The following MCC variants were observed in gnomAD, a reference collection of about 807,000 sequenced individuals.
The protein encoded by MCC is colorectal mutant cancer protein.
In MCC, 90 loss-of-function variants were observed where a neutral mutation model predicts 116.2. The observed-to-expected ratio is 0.77, with a 90% CI of 0.65 to 0.92. The LOEUF is 0.92. Ranked by LOEUF, MCC falls within the 40% of genes least tolerant of loss-of-function variation. The pLI is 0.00. For synonymous variants in MCC, 578 were observed against 510.5 expected, an observed-to-expected ratio of 1.13 and a Z score of -1.78; for missense variants, 1,516 against 1,312.2, an observed-to-expected ratio of 1.16 and a Z score of -2.40.
At chr5:113,359,520 T>C (rs115526791) in intron 2 of MCC, among the ~76,000 whole-genome samples, 109 of 152,366 alleles carry the variant, frequency 7.2e-4, no homozygotes, top group African/African-American at 2.5e-3. Context: ...TCTGTTGTTC[T>C]GTTCTTCATC....
In MCC at chr5:113,445,331, T is replaced by C. The variant is rs188757164; in HGVS notation, c.170+42914A>G. On this transcript the variant is annotated intron_variant, in intron 1 of 18. Coordinates refer to ENST00000408903, the MANE Select transcript of MCC (RefSeq NM_001085377.2). The stretch of plus-strand genomic sequence containing the variant: ...TCTCTTTGCTGACAATATAATTCTA[T>C]ACATAAAGAATCCTAAAGACTCCAC... Among the ~76,000 whole-genome samples, 347 of 152,238 alleles carry C rather than the reference T, an allele frequency of 2.3e-3. 1 individual carries two copies. Among genetic ancestry groups the C allele is most frequent in the Admixed American group, 3.4e-3 (52 of 15,292 alleles).
At chr5:113,051,171 G>A (rs1398931924) in intron 15 of MCC, among the ~76,000 whole-genome samples, 2 of 152,046 alleles carry the variant, frequency 1.3e-5, no homozygotes, top group Non-Finnish European at 2.9e-5. Context: ...CACTCTGTAG[G>A]GACATCTGCA....
At chr5:113,348,236 A>G (rs1194171088) in intron 2 of MCC, among the ~76,000 whole-genome samples, 2 of 152,052 alleles carry the variant, frequency 1.3e-5, no homozygotes, top group Non-Finnish European at 2.9e-5. Flanking sequence ...TTTACAGAAC[A>G]TTTCTTCAAG....
chr5:113,331,157 A>G (rs1398666347), intron 3 of MCC, among the ~76,000 whole-genome samples: 1 of 151,960 alleles, frequency 6.6e-6, no homozygotes, highest in East Asian at 1.9e-4. Flanking sequence ...GGTTCCTGGC[A>G]GAGGGACTAG....
At chr5:113,186,881 C>A (rs1366638953) in intron 3 of MCC, among the ~76,000 whole-genome samples, 1 of 152,088 alleles carries the variant, frequency 6.6e-6, no homozygotes, top group Non-Finnish European at 1.5e-5. Flanking sequence ...GTTTTCACAA[C>A]CGGGGGAGGA....
At chr5:113,455,806 G>A (rs138164453) in intron 1 of MCC, among the ~76,000 whole-genome samples, 261 of 152,248 alleles carry the variant, frequency 1.7e-3, no homozygotes, top group African/African-American at 5.9e-3. Flanking sequence ...ATTACCTACT[G>A]AGTTTGCAGA....
At chr5:113,444,781 A>G (rs556767720) in intron 1 of MCC, among the ~76,000 whole-genome samples, 3 of 152,304 alleles carry the variant, frequency 2.0e-5, no homozygotes, top group South Asian at 4.1e-4. Flanking sequence ...ACAGTTCTCT[A>G]TATTGAAGGC....
chr5:113,264,351 A>C (rs550300505), intron 3 of MCC, among the ~76,000 whole-genome samples: 1 of 152,206 alleles, frequency 6.6e-6, no homozygotes, highest in Non-Finnish European at 1.5e-5. Flanking sequence ...TCAAACACCT[A>C]AAGTCTGGCC....
intron 1 of MCC, among the ~76,000 whole-genome samples, chr5:113,449,191 G>T (rs1207389269): frequency 1.3e-5 from 2 of 152,284 alleles, no homozygotes; most frequent in East Asian, 3.9e-4. Context: ...AAGCCAATTT[G>T]ATATTCTTCA....
At chr5:113,175,696 C>A (rs1231187646) in intron 3 of MCC, among the ~76,000 whole-genome samples, 2 of 151,964 alleles carry the variant, frequency 1.3e-5, no homozygotes, top group African/African-American at 4.8e-5. Flanking sequence ...TTTTGGTGTA[C>A]CCCCAGGGGA....
intron 1 of MCC, among the ~76,000 whole-genome samples, chr5:113,393,115 T>A (rs1187021655): frequency 6.6e-6 from 1 of 152,110 alleles, no homozygotes; most frequent in African/African-American, 2.4e-5. Context: ...GAAGCATAAA[T>A]CTCAACTGTA....
In MCC at chr5:113,488,356, C is replaced by CTG. The variant is rs1417172299; in HGVS notation, c.58_59insCA (p.Gly20AlafsTer43). ...GCTGCTGCTGCTGCTGCCGCTGCCG[C>CTG]CGCCGCCGCCGCCGCTGCTGGAGCT... is the stretch of plus-strand genomic sequence containing the variant. On this transcript the variant is annotated frameshift_variant, in exon 1 of 19. Transcript: ENST00000408903. LOFTEE classifies it high-confidence loss of function. 2 of 1,515,190 alleles carry CTG rather than the reference C, an allele frequency of 1.3e-6. No individual in the cohort carries two copies. Among genetic ancestry groups the CTG allele is most frequent in the Admixed American group, 2.1e-5 (1 of 47,468 alleles). The allele number at this position is 1,515,190 out of a possible 1,614,324, so 93.9% of individuals were successfully genotyped here. A position where few individuals can be genotyped will look rare whatever the true frequency, so the allele number is the denominator to read the frequency against.
intron 15 of MCC, 134 bp from the exon 16 acceptor site, chr5:113,049,433 G>A: frequency 1.5e-6 from 1 of 679,978 alleles, no homozygotes; most frequent in African/African-American, 1.8e-5. Flanking sequence ...TTTGAAGTTG[G>A]CAGTAGGATG....
intron 1 of MCC, among the ~76,000 whole-genome samples, chr5:113,448,525 C>T (rs543223807): frequency 6.6e-6 from 1 of 152,196 alleles, no homozygotes; most frequent in African/African-American, 2.4e-5. Flanking sequence ...CCCAAGCTGA[C>T]AAGCCTTTCT....
intron 1 of MCC, among the ~76,000 whole-genome samples, chr5:113,460,827 A>G (rs1771723198): frequency 6.6e-6 from 1 of 152,266 alleles, no homozygotes; most frequent in Non-Finnish European, 1.5e-5. Flanking sequence ...TCAGAAACGT[A>G]GAACCTCAAG....
At chr5:113,255,080 G>A (rs937239058) in intron 3 of MCC, among the ~76,000 whole-genome samples, 2 of 152,164 alleles carry the variant, frequency 1.3e-5, no homozygotes, top group Admixed American at 1.3e-4. Context: ...CAGAAAAATC[G>A]ATTAAACCCA....
At chr5:113,359,060 C>T (rs138876964) in intron 2 of MCC, among the ~76,000 whole-genome samples, 68 of 152,266 alleles carry the variant, frequency 4.5e-4, no homozygotes, top group African/African-American at 1.6e-3. Flanking sequence ...GACATGTCTA[C>T]TAAGGGGCGG....
chr5:113,168,223 A>G (rs1298821666), intron 3 of MCC, among the ~76,000 whole-genome samples: 2 of 152,198 alleles, frequency 1.3e-5, no homozygotes, highest in African/African-American at 2.4e-5. Flanking sequence ...TACACTGTAC[A>G]TGCTTGTGGA....
chr5:113,448,956 G>A (rs1405239665), intron 1 of MCC, among the ~76,000 whole-genome samples: 2 of 152,182 alleles, frequency 1.3e-5, no homozygotes, highest in Admixed American at 6.5e-5. Context: ...TCCATTTTGT[G>A]TACTATATAT....
Sources: gnomAD v4.1 joint callset for allele counts (sites outside exome capture counted in the v4.1 genomes callset) on GRCh38, gnomAD v4.1.1 for gene constraint, MANE v1.5 for transcripts, NCBI Gene and HGNC (gene_info 2026-07-23, HGNC 2026-07-21) for gene names.